Variants in COL2A1 observed in about 807,000 individuals in gnomAD.
The protein encoded by COL2A1 is collagen alpha-1(II) chain.
Under a neutral mutation model 204.5 loss-of-function variants are expected in COL2A1, and 28 were observed. The observed-to-expected ratio is 0.14, with a 90% confidence interval of 0.10 to 0.19. COL2A1 has a LOEUF of 0.19. COL2A1 is among the 10% of genes least tolerant of loss of function. COL2A1 has a pLI of 1.00. For synonymous variants in COL2A1, 708 were observed against 718.7 expected, an observed-to-expected ratio of 0.99 and a Z score of 0.24; for missense variants, 1,388 against 2,027.5, an observed-to-expected ratio of 0.68 and a Z score of 6.06.
chr12:47,978,269 G>A lies in COL2A1; in HGVS notation c.3003+22C>T. On this transcript the variant is annotated intron_variant, in intron 43 of 53. Transcript: ENST00000380518. The surrounding 1 kb of genome is among the most constrained non-coding windows in gnomAD (Gnocchi z 5.5). ...GCAGGCAGGGCCCAGCTTGGATGGA[G>A]GGAGGGATACCCCACACTCACCGAC... 6.2e-7 allele frequency: 1 copy of A among 1,612,294 alleles called. No individual in the cohort carries two copies. The highest frequency in any genetic ancestry group is 8.5e-7 in the Non-Finnish European group (1 of 1,178,736).
In COL2A1 at chr12:47,984,987, T is replaced by C. The variant is rs200571873; in HGVS notation, c.1833+8A>G. ...TGGAAGGAAATAGAAGAGCAAATTA[T>C]TACTTACGTTGGCACCTTTGGGGCC... On this transcript the variant is annotated splice_region_variant and intron_variant, in intron 27 of 53. Transcript: ENST00000380518. 9.9e-6 allele frequency: 16 copies of C among 1,611,944 alleles called. No homozygotes were observed. Among genetic ancestry groups the C allele is most frequent in the Non-Finnish European group, 1.3e-5 (15 of 1,178,470 alleles).
rs1376333450 is a variant in COL2A1, at chr12:47,981,451, G to A, written c.2410-55C>T. The stretch of plus-strand genomic sequence containing the variant: ...GGTAAGAAGGTGGGGAGGCAGAGTG[G>A]GAGAGGGCAAAGTGCATTTGGGGGG... On this transcript the variant is annotated intron_variant, in intron 36 of 53. Transcript: ENST00000380518. 10 of 1,520,904 alleles carry A rather than the reference G, an allele frequency of 6.6e-6. No homozygotes were observed. In the East Asian group the frequency reaches 2.1e-4, roughly 32 times the overall value. The allele number at this position is 1,520,904 out of a possible 1,614,324, so 94.2% of individuals were successfully genotyped here.
At position 47,986,363 on chromosome 12, in the gene COL2A1, A is replaced by T. The variant is rs1158584646; in HGVS notation, c.1500T>A (p.Val500=). The T allele has an allele frequency of 6.4e-7, 1 of 1,569,072 alleles. No individual in the cohort carries two copies. Among genetic ancestry groups the T allele is most frequent in the South Asian group, 1.2e-5 (1 of 85,314 alleles). Residue 500 remains valine, a synonymous_variant, in exon 23 of 54, where the codon GTT becomes GTA. Transcript: ENST00000380518. Reference sequence around the variant, plus strand: ...TTTCTCCAGGGGGACCGATGGGCCCAACGCCACCAGGCTCTCCACGGGCAC... The same window carrying T: ...TTTCTCCAGGGGGACCGATGGGCCCTACGCCACCAGGCTCTCCACGGGCAC... ...KRGARGEPGG[V]GPIGPPGERG...
Position 47,976,705 on chromosome 12 carries a change from A to AGAAACTGCTTAGGGTGATCCCAAGCT in COL2A1, c.3435+81_3435+106dup. ...CTCCCTCCAGCCCTGAGGAAATCCT[A>AGAAACTGCTTAGGGTGATCCCAAGCT]GAAACTGCTTAGGGTGATCCCAAGC... On this transcript the variant is annotated intron_variant, in intron 48 of 53. Coordinates refer to ENST00000380518, the MANE Select transcript of COL2A1 (RefSeq NM_001844.5). The surrounding 1 kb of genome is among the most constrained non-coding windows in gnomAD (Gnocchi z 4.3). 1 of 1,382,212 alleles carries AGAAACTGCTTAGGGTGATCCCAAGCT rather than the reference A, an allele frequency of 7.2e-7. No homozygotes were observed. Among genetic ancestry groups the AGAAACTGCTTAGGGTGATCCCAAGCT allele is most frequent in the Non-Finnish European group, 1.0e-6 (1 of 985,342 alleles). 85.6% of individuals were successfully genotyped at this position (1,382,212 alleles called of 1,614,324 possible). A position where few individuals can be genotyped will look rare whatever the true frequency, so the allele number is the denominator to read the frequency against.
chr12:48,003,956 C>A (rs1347000666), intron 1 of COL2A1, among the ~76,000 whole-genome samples: 3 of 152,340 alleles, frequency 2.0e-5, no homozygotes, highest in Admixed American at 6.5e-5. Flanking sequence ...GCGCAAACTT[C>A]TCCGAGCCAA....
At chr12:47,977,210 C>T (rs1315233298) in intron 46 of COL2A1, 55 bp from the exon 47 acceptor site, 6 of 1,592,894 alleles carry the variant, frequency 3.8e-6, no homozygotes, top group South Asian at 1.1e-5. Context: ...TGGGGGCCTC[C>T]TCTGCATCTG....
Position 47,974,407 on chromosome 12 carries a change from A to G in COL2A1, c.4075-76T>C, listed in dbSNP as rs866519995. The G allele has an allele frequency of 3.2e-6, 5 of 1,583,746 alleles. No homozygotes were observed. In the Middle Eastern group the frequency reaches 1.0e-3, roughly 328 times the overall value. On this transcript the variant is annotated intron_variant, in intron 52 of 53. Coordinates refer to ENST00000380518, the MANE Select transcript of COL2A1 (RefSeq NM_001844.5). ...GGACCAGGGGCTGTAGGGGCTGCCAAGAGTTCATGGTTCAAGGACCTCAAG... is the reference window on the plus strand; with the variant it reads ...GGACCAGGGGCTGTAGGGGCTGCCAGGAGTTCATGGTTCAAGGACCTCAAG...
rs770647320 is a variant in COL2A1, at chr12:47,982,094, C to T, written c.2355+13G>A. 15 of 1,613,082 alleles carry T rather than the reference C, an allele frequency of 9.3e-6. No homozygotes were observed. Among genetic ancestry groups the T allele is most frequent in the South Asian group, 5.5e-5 (5 of 91,068 alleles). On this transcript the variant is annotated intron_variant, in intron 35 of 53. Transcript: ENST00000380518. ...CCTAATGCCCAGCAGTCCAGCAGCC[C>T]GCATTCACTTACTCGTCCACCATCC...
chr12:47,992,114 G>A (rs1697838124), intron 16 of COL2A1, among the ~76,000 whole-genome samples: 1 of 152,224 alleles, frequency 6.6e-6, no homozygotes, highest in African/African-American at 2.4e-5. Flanking sequence ...AGCTTTCATC[G>A]CATCACTCGC....
chr12:47,999,730 G>A, intron 2 of COL2A1, 189 bp downstream of exon 2: 2 of 560,072 alleles, frequency 3.6e-6, no homozygotes, highest in Non-Finnish European at 3.1e-6. Flanking sequence ...GACCCCTCTA[G>A]TGTCTCAGGC....
Position 47,978,378 on chromosome 12 carries a change from A to C in COL2A1, c.2916T>G (p.Gly972=). 6.2e-7 allele frequency: 1 copy of C among 1,614,002 alleles called. No homozygotes were observed. Among genetic ancestry groups the C allele is most frequent in the South Asian group, 1.1e-5 (1 of 91,082 alleles). Residue 972 remains glycine (G), a synonymous_variant, in exon 43 of 54, where the codon GGT becomes GGG. Coordinates refer to ENST00000380518, the MANE Select transcript of COL2A1 (RefSeq NM_001844.5). This position sits in a 1 kb window ranked among gnomAD's most constrained non-coding sequence, Gnocchi z 5.5. ...CTCTCTGACCAGCCAGACCCTGGGG[A>C]CCTGGTGGACCTTCGGCACCCTGAG... ...DGPSGAEGPP[G]PQGLAGQRGI... is the part of the protein sequence containing the mutation.
At position 47,973,336 on chromosome 12, in the gene COL2A1, GTGAC is replaced by G. The variant is rs1232454515; in HGVS notation, c.*67_*70del. 9 of 1,600,830 alleles carry G rather than the reference GTGAC, an allele frequency of 5.6e-6. No individual in the cohort carries two copies. The highest frequency in any genetic ancestry group is 6.8e-6 in the Non-Finnish European group (8 of 1,167,906). On this transcript the variant is annotated 3_prime_UTR_variant, in exon 54 of 54. Coordinates refer to ENST00000380518, the MANE Select transcript of COL2A1 (RefSeq NM_001844.5). ...CAGCCATTCAGTGCAGAGTCCTAGA[GTGAC>G]TGAGATTGGAAAGTACTTGGGTCCT...
At chr12:47,998,121 C>T (rs1472587222) in intron 4 of COL2A1, 48 bp downstream of exon 4, 2 of 1,614,066 alleles carry the variant, frequency 1.2e-6, no homozygotes, top group African/African-American at 2.7e-5. Context: ...GGAAATGACC[C>T]ATTTAGAGCA....
chr12:47,985,428 T>C (rs958978025), intron 26 of COL2A1, 106 bp downstream of exon 26: 8 of 1,185,238 alleles, frequency 6.7e-6, no homozygotes, highest in Non-Finnish European at 1.0e-5. Flanking sequence ...ATTCTCAAAA[T>C]TCACAGTACT....
chr12:47,981,648 TCA>T, intron 36 of COL2A1, 126 bp downstream of exon 36: 1 of 1,174,770 alleles, frequency 8.5e-7, no homozygotes, highest in Admixed American at 2.0e-5. Context: ...GGCCCCCTCT[TCA>T]CTCCTACGGC....
intron 17 of COL2A1, 29 bp downstream of exon 17, chr12:47,989,732 A>G (rs768806566): frequency 1.9e-6 from 3 of 1,610,438 alleles, no homozygotes; most frequent in African/African-American, 2.7e-5. Flanking sequence ...CACAGCAACA[A>G]TGACCTGCTG....
At position 47,980,425 on chromosome 12, in the gene COL2A1, TC is replaced by T; in HGVS notation, c.2625+128del. 1 of 865,796 alleles carries T rather than the reference TC, an allele frequency of 1.2e-6. No homozygotes were observed. The highest frequency in any genetic ancestry group is 1.4e-5 in the South Asian group (1 of 69,958). 53.6% of individuals were successfully genotyped at this position (865,796 alleles called of 1,614,324 possible). A position where few individuals can be genotyped will look rare whatever the true frequency, so the allele number is the denominator to read the frequency against. ...CACAGCCCACATGCCACATGGAAGC[TC>T]CTTCTACCAACATGGGGGTGTTCCC... On this transcript the variant is annotated intron_variant, in intron 39 of 53. Coordinates refer to ENST00000380518, the MANE Select transcript of COL2A1 (RefSeq NM_001844.5). This position sits in a 1 kb window ranked among gnomAD's most constrained non-coding sequence, Gnocchi z 4.5.
intron 34 of COL2A1, 66 bp downstream of exon 34, chr12:47,982,436 G>A (rs1048361917): frequency 8.2e-6 from 11 of 1,346,054 alleles, no homozygotes; most frequent in Admixed American, 1.7e-5. Flanking sequence ...GAACGGAAGC[G>A]ATCACAAGGG....
rs1479966123 is a variant in COL2A1, at chr12:47,999,710, G to A, written c.292+209C>T. On this transcript the variant is annotated intron_variant, in intron 2 of 53. Transcript: ENST00000380518. ...GAAGCAAATGTTTTTGGAGATGTTG[G>A]GCAAAGAAGGACCCCTCTAGTGTCT... is the stretch of plus-strand genomic sequence containing the variant. The A allele has an allele frequency of 1.4e-4, 69 of 496,268 alleles. No individual in the cohort carries two copies. In the South Asian group the frequency reaches 1.4e-3, roughly 10 times the overall value. 30.7% of individuals were successfully genotyped at this position (496,268 alleles called of 1,614,324 possible). A position where few individuals can be genotyped will look rare whatever the true frequency, so the allele number is the denominator to read the frequency against.
Sources: gnomAD v4.1 joint callset for allele counts (sites outside exome capture counted in the v4.1 genomes callset) on GRCh38, gnomAD v4.1.1 for gene constraint, Gnocchi (gnomAD v3.1) non-coding constraint, MANE v1.5 for transcripts, NCBI Gene and HGNC (gene_info 2026-07-23, HGNC 2026-07-21) for gene names.